Variants in CCDC187 observed in about 807,000 individuals in gnomAD.
The protein encoded by CCDC187 is coiled-coil domain containing 187, also known as coiled-coil domain-containing protein 187.
CCDC187 carries 32 observed loss-of-function variants against 38.0 expected under a neutral mutation model. The ratio of observed to expected loss-of-function variants is 0.84; its 90% confidence interval spans 0.64 to 1.13. The LOEUF is 1.13. CCDC187 is among the 50% of genes most tolerant of loss of function. CCDC187 has a pLI of 0.00. For synonymous variants in CCDC187, 333 were observed against 347.9 expected, an observed-to-expected ratio of 0.96 and a Z score of 0.48; for missense variants, 707 against 786.8, an observed-to-expected ratio of 0.90 and a Z score of 1.21.
At position 136,253,463 on chromosome 9, in the gene CCDC187, G is replaced by A. The variant is rs116947616; in HGVS notation, c.*131C>T. On this transcript the variant is annotated 3_prime_UTR_variant, in exon 26 of 26. Transcript: ENST00000638797. ...GGCACTGCCTGACCCCTCACACGAC[G>A]AGTGCCCTGGCCAGCTGACAGGTTC... 14,742 of 345,000 alleles carry A rather than the reference G, an allele frequency of 0.043. 389 individuals carry two copies. The highest frequency in any genetic ancestry group is 0.053 in the Non-Finnish European group (13,053 of 244,336). 21.4% of individuals were successfully genotyped at this position (345,000 alleles called of 1,614,324 possible). A position where few individuals can be genotyped will look rare whatever the true frequency, so the allele number is the denominator to read the frequency against.
intron 2 of CCDC187, among the ~76,000 whole-genome samples, chr9:136,301,269 G>T (rs1489214478): frequency 1.3e-5 from 2 of 152,128 alleles, no homozygotes. Context: ...CATTATTTGT[G>T]CTTATTATAC....
upstream of CCDC187, among the ~76,000 whole-genome samples, chr9:136,304,767 T>A (rs1179186178): frequency 6.6e-6 from 1 of 152,132 alleles, no homozygotes; most frequent in Non-Finnish European, 1.5e-5. Context: ...GGTGAGTCCA[T>A]CCCCGCGGGA....
At chr9:136,262,820 G>A (rs569279005) in intron 18 of CCDC187, among the ~76,000 whole-genome samples, 1 of 152,290 alleles carries the variant, frequency 6.6e-6, no homozygotes, top group Admixed American at 6.5e-5. Context: ...CTCCAGGTGA[G>A]CCTGCTGCCC....
At position 136,254,681 on chromosome 9, in the gene CCDC187, C is replaced by T. The variant is rs1040146209; in HGVS notation, c.5147G>A (p.Arg1716His). The change falls in exon 26 of 26, where the codon CGT becomes CAT. Residue 1716 changes from arginine (R) to histidine (H), a missense_variant. Physicochemically the swap from Arg to His is conservative, Grantham distance 29 (BLOSUM62 0). Transcript: ENST00000638797. The stretch of plus-strand genomic sequence containing the variant: ...CATGGCCGTGTCCAAGGAGGAGCCA[C>T]GCAGGGGGCCGGCCCTGCGGCCCTG... ...RPQGRRAGPL[R>H]GSSLDTAMAE... is the part of the protein sequence containing the mutation. 110 of 985,416 alleles carry T rather than the reference C, an allele frequency of 1.1e-4. No individual in the cohort carries two copies. The highest frequency in any genetic ancestry group is 1.9e-4 in the South Asian group (4 of 21,290). The allele number at this position is 985,416 out of a possible 1,614,324, so 61.0% of individuals were successfully genotyped here. A position where few individuals can be genotyped will look rare whatever the true frequency, so the allele number is the denominator to read the frequency against.
rs116947616 is a variant in CCDC187 at position 136,253,463 on chromosome 9, G to C, written c.*131C>G. 1.4e-5 allele frequency: 5 copies of C among 345,084 alleles called. No individual in the cohort carries two copies. The highest frequency in any genetic ancestry group is 3.4e-4 in the East Asian group (2 of 5,922). The allele number at this position is 345,084 out of a possible 1,614,324, so 21.4% of individuals were successfully genotyped here. A position where few individuals can be genotyped will look rare whatever the true frequency, so the allele number is the denominator to read the frequency against. ...GGCACTGCCTGACCCCTCACACGAC[G>C]AGTGCCCTGGCCAGCTGACAGGTTC... On this transcript the variant is annotated 3_prime_UTR_variant, in exon 26 of 26. Coordinates refer to ENST00000638797, the MANE Select transcript of CCDC187 (RefSeq NM_001378188.1).
chr9:136,256,716 G>T lies in CCDC187; in HGVS notation c.4492C>A (p.Gln1498Lys), dbSNP rs1830617327. Residue 1498 changes from glutamine to lysine, a missense_variant, in exon 23 of 26, where the codon CAA (glutamine) becomes AAA (lysine). Gln to Lys is a moderately conservative substitution (Grantham distance 53, BLOSUM62 1). Coordinates refer to ENST00000638797, the MANE Select transcript of CCDC187 (RefSeq NM_001378188.1). ...CACACCCGACTCACGCTGGCTTCTT[G>T]TGGGCCACAAGGACCTTCTCTGCCG... ...SCGREGPCGP[Q>K]EASQVAEDSM... 1 of 152,262 alleles carries T rather than the reference G, an allele frequency of 6.6e-6. No homozygotes were observed. The highest frequency in any genetic ancestry group is 2.4e-5 in the African/African-American group (1 of 41,464). The allele number at this position is 152,262 out of a possible 1,614,324, so 9.4% of individuals were successfully genotyped here.
chr9:136,283,117 C>T (rs933587703), intron 9 of CCDC187, among the ~76,000 whole-genome samples: 14 of 152,158 alleles, frequency 9.2e-5, no homozygotes, highest in African/African-American at 2.4e-4. Flanking sequence ...GGCGTGGTGG[C>T]GGGTGCCTGT....
rs1300246962 is a variant in CCDC187, at chr9:136,291,482, G to T, written c.1131C>A (p.Asp377Glu). ...GCCCAGCCTGGATTTGCTGGCGCAGGTCTTGTAGGATGGCCATGGCCGTCT... is the reference window on the plus strand; with the variant it reads ...GCCCAGCCTGGATTTGCTGGCGCAGTTCTTGTAGGATGGCCATGGCCGTCT... ...TIQTAMAILQ[D>E]LRQQIQAGLE... The change falls in exon 6 of 26, where the codon GAC becomes GAA. Residue 377 changes from aspartate (D) to glutamate (E), a missense_variant. Physicochemically the swap from Asp to Glu is conservative, Grantham distance 45. Coordinates refer to ENST00000638797, the MANE Select transcript of CCDC187 (RefSeq NM_001378188.1). 2.5e-6 allele frequency: 1 copy of T among 398,782 alleles called. No homozygotes were observed. The highest frequency in any genetic ancestry group is 4.4e-5 in the Admixed American group (1 of 22,748). The allele number at this position is 398,782 out of a possible 1,614,324, so 24.7% of individuals were successfully genotyped here. A position where few individuals can be genotyped will look rare whatever the true frequency, so the allele number is the denominator to read the frequency against.
At chr9:136,267,602 C>T in intron 15 of CCDC187, 91 bp from the exon 16 acceptor site, 1 of 985,612 alleles carries the variant, frequency 1.0e-6, no homozygotes, top group Non-Finnish European at 1.2e-6. Flanking sequence ...CGCGTCACCG[C>T]CTAGCTTCTA....
At position 136,250,854 on chromosome 9, in the gene CCDC187, G is replaced by T; in HGVS notation, c.*2740C>A. 1 of 455,752 alleles carries T rather than the reference G, an allele frequency of 2.2e-6. No individual in the cohort carries two copies. Among genetic ancestry groups the T allele is most frequent in the Non-Finnish European group, 4.4e-6 (1 of 226,620 alleles). 28.2% of individuals were successfully genotyped at this position (455,752 alleles called of 1,614,324 possible). On this transcript the variant is annotated 3_prime_UTR_variant, in exon 26 of 26. Transcript: ENST00000638797. ...TGGAGAAGGCAGGCTGGGTCCAGCT[G>T]CTCCCGGGCGAGGGGTGTCTGGAGA...
chr9:136,273,440 G>A (rs1428280256), intron 14 of CCDC187, among the ~76,000 whole-genome samples: 1 of 152,208 alleles, frequency 6.6e-6, no homozygotes, highest in Non-Finnish European at 1.5e-5. Flanking sequence ...ATTGCATCAT[G>A]ATAGAGGGGT....
Position 136,261,247 on chromosome 9 carries a change from G to A in CCDC187, c.4065-983C>T, listed in dbSNP as rs555098747. Among the ~76,000 whole-genome samples the A allele has an allele frequency of 1.6e-4, 25 of 152,268 alleles. 1 individual carries two copies. Among genetic ancestry groups the A allele is most frequent in the Middle Eastern group, 6.8e-3 (2 of 294 alleles). ...GAACGGCCCAATGAAGGAGGGAAGC[G>A]CACCTGCTCCCGTGTGGCAGGACCC... On this transcript the variant is annotated intron_variant, in intron 19 of 25. Transcript: ENST00000638797.
intron 7 of CCDC187, among the ~76,000 whole-genome samples, chr9:136,289,638 G>A (rs1428034364): frequency 6.6e-6 from 1 of 152,196 alleles, no homozygotes; most frequent in Non-Finnish European, 1.5e-5. Flanking sequence ...GGCTCATGGG[G>A]AGATGGAATG....
At chr9:136,273,711 G>C in intron 14 of CCDC187, among the ~76,000 whole-genome samples, 1 of 152,230 alleles carries the variant, frequency 6.6e-6, no homozygotes, top group East Asian at 1.9e-4. Flanking sequence ...AATAGACATT[G>C]TTTTCAAGGA....
Position 136,254,887 on chromosome 9 carries a change from GC to G in CCDC187, c.4940del (p.Ser1647ThrfsTer56). 1.0e-6 allele frequency: 1 copy of G among 985,526 alleles called. No individual in the cohort carries two copies. Among genetic ancestry groups the G allele is most frequent in the Non-Finnish European group, 1.2e-6 (1 of 829,978 alleles). The allele number at this position is 985,526 out of a possible 1,614,324, so 61.0% of individuals were successfully genotyped here. A position where few individuals can be genotyped will look rare whatever the true frequency, so the allele number is the denominator to read the frequency against. On this transcript the variant is annotated frameshift_variant, in exon 26 of 26. Coordinates refer to ENST00000638797, the MANE Select transcript of CCDC187 (RefSeq NM_001378188.1). LOFTEE classifies it low-confidence loss of function (END_TRUNC). ...ATLIQLSGSS[S>X]SLPSLEAEDS... ...CTTCAGCTTCCAAGCTGGGAAGAGA[GC>G]TGGAGCTCCCAGAAAGCTGGATCAG...
At position 136,267,403 on chromosome 9, in the gene CCDC187, A is replaced by G. The variant is rs1275180227; in HGVS notation, c.3628T>C (p.Trp1210Arg). The change falls in exon 16 of 26, where the codon TGG becomes CGG. Residue 1210 changes from tryptophan (W) to arginine (R), a missense_variant. Coordinates refer to ENST00000638797, the MANE Select transcript of CCDC187 (RefSeq NM_001378188.1). ...LQEKTLAELA[W>R]LEHRRGCLDS... ...GCTCACCCTCGTCGATGCTCCAGCC[A>G]GGCCAGCTCCGCGAGCGTTTTCTCC... 3 of 985,378 alleles carry G rather than the reference A, an allele frequency of 3.0e-6. No homozygotes were observed. Among genetic ancestry groups the G allele is most frequent in the African/African-American group, 1.7e-5 (1 of 57,220 alleles). 61.0% of individuals were successfully genotyped at this position (985,378 alleles called of 1,614,324 possible).
At position 136,254,287 on chromosome 9, in the gene CCDC187, A is replaced by C. The variant is rs782239299; in HGVS notation, c.5541T>G (p.Ser1847=). The change falls in exon 26 of 26, where the codon TCT becomes TCG. Residue 1847 remains serine, a synonymous_variant. Transcript: ENST00000638797. The part of the protein sequence containing the change: ...SPWPGEGLEA[S]GTSESLMGVS... ...CCCCCATCAGGCTCTCGCTGGTCCC[A>C]GAAGCTTCCAGCCCCTCCCCAGGCC... 60 of 979,572 alleles carry C rather than the reference A, an allele frequency of 6.1e-5. No homozygotes were observed. Among genetic ancestry groups the C allele is most frequent in the Non-Finnish European group, 7.0e-5 (58 of 824,928 alleles). The allele number at this position is 979,572 out of a possible 1,614,324, so 60.7% of individuals were successfully genotyped here.
rs1238827758 is a variant in CCDC187 at position 136,292,190 on chromosome 9, G to T, written c.938C>A (p.Ser313Ter). 7.5e-6 allele frequency: 3 copies of T among 398,758 alleles called. No individual in the cohort carries two copies. Among genetic ancestry groups the T allele is most frequent in the Non-Finnish European group, 1.3e-5 (3 of 226,216 alleles). 24.7% of individuals were successfully genotyped at this position (398,758 alleles called of 1,614,324 possible). Residue 313 changes from serine to a stop codon, truncating the protein, a stop_gained, in exon 5 of 26, where the codon TCG (serine) becomes TAG (stop). Coordinates refer to ENST00000638797, the MANE Select transcript of CCDC187 (RefSeq NM_001378188.1). LOFTEE classifies it high-confidence loss of function. ...GTCCACGGTGAGAGCCGGGTCTCTC[G>T]AGGGATCCTTGCTATGGTGCCTGCG... ...VLRRHHSKDPSRDPALTVDLG... is the reference protein window; with the variant it reads ...VLRRHHSKDP
intron 4 of CCDC187, among the ~76,000 whole-genome samples, chr9:136,293,186 CACA>C (rs2131318205): frequency 6.8e-6 from 1 of 148,090 alleles, no homozygotes; most frequent in East Asian, 2.2e-4. Context: ...CACACACACT[CACA>C]TGCTCACACA....
Sources: gnomAD v4.1 joint callset for allele counts (sites outside exome capture counted in the v4.1 genomes callset) on GRCh38, gnomAD v4.1.1 for gene constraint, MANE v1.5 for transcripts, NCBI Gene and HGNC (gene_info 2026-07-23, HGNC 2026-07-21) for gene names.